Variants in RANBP17 observed in about 807,000 individuals in gnomAD.
The protein encoded by RANBP17 is RAN binding protein 17.
Under a neutral mutation model 141.2 loss-of-function variants are expected in RANBP17, and 158 were observed. The ratio of observed to expected loss-of-function variants is 1.12; its 90% CI spans 0.98 to 1.28. RANBP17 has a LOEUF of 1.28. RANBP17 is among the 50% of genes most tolerant of loss of function. RANBP17 has a pLI of 0.00. For missense variants in RANBP17, 1,438 were observed against 1,290.7 expected, an observed-to-expected ratio of 1.11 and a Z score of -1.75; for synonymous variants, 430 against 450.0, an observed-to-expected ratio of 0.96 and a Z score of 0.56.
At chr5:171,003,193 C>T (rs1472175240) in intron 14 of RANBP17, among the ~76,000 whole-genome samples, 3 of 152,070 alleles carry the variant, frequency 2.0e-5, no homozygotes, top group Admixed American at 2.0e-4. Flanking sequence ...TGTAAGAATT[C>T]CAAATGCACA....
chr5:171,206,584 A>G (rs1401325707), intron 20 of RANBP17: 2 of 168,216 alleles, frequency 1.2e-5, no homozygotes. Flanking sequence ...AATCTAAACT[A>G]TTTCTCAGTT....
intron 14 of RANBP17, among the ~76,000 whole-genome samples, chr5:171,021,088 T>C (rs2127602362): frequency 6.6e-6 from 1 of 152,338 alleles, no homozygotes; most frequent in South Asian, 2.1e-4. Flanking sequence ...TTGAAGAATG[T>C]TGAATATTGG....
At chr5:170,977,689 C>T (rs548784951) in intron 14 of RANBP17, among the ~76,000 whole-genome samples, 4 of 151,958 alleles carry the variant, frequency 2.6e-5, no homozygotes, top group Admixed American at 1.3e-4. Context: ...TGATAGATGC[C>T]GTAACAAGTA....
chr5:171,247,698 G>C (rs1422382222), intron 24 of RANBP17, among the ~76,000 whole-genome samples: 1 of 152,090 alleles, frequency 6.6e-6, no homozygotes, highest in East Asian at 1.9e-4. Context: ...TCAAAAAGCT[G>C]CTCTTACTAA....
At chr5:171,096,529 T>C (rs1290503121) in intron 14 of RANBP17, among the ~76,000 whole-genome samples, 4 of 152,146 alleles carry the variant, frequency 2.6e-5, no homozygotes, top group African/African-American at 9.7e-5. Context: ...AGGAATAAAA[T>C]GTGCAAATTT....
intron 18 of RANBP17, among the ~76,000 whole-genome samples, chr5:171,195,686 C>G (rs1234452553): frequency 6.6e-6 from 1 of 152,198 alleles, no homozygotes; most frequent in African/African-American, 2.4e-5. Context: ...TCCACCTTAT[C>G]AGAGACCTGG....
chr5:170,874,754 A>G (rs1768038842), intron 1 of RANBP17, among the ~76,000 whole-genome samples: 1 of 151,872 alleles, frequency 6.6e-6, no homozygotes, highest in South Asian at 2.1e-4. Context: ...TGAATACAGT[A>G]CACTGATGGG....
At chr5:171,090,704 C>T (rs994630878) in intron 14 of RANBP17, among the ~76,000 whole-genome samples, 9 of 152,124 alleles carry the variant, frequency 5.9e-5, no homozygotes, top group African/African-American at 2.2e-4. Flanking sequence ...CTGCTCTGTG[C>T]AGTCTAGGGA....
At chr5:170,993,523 TTCTG>T (rs1284927866) in intron 14 of RANBP17, among the ~76,000 whole-genome samples, 3 of 152,090 alleles carry the variant, frequency 2.0e-5, no homozygotes, top group Admixed American at 6.6e-5. Context: ...TAACTGCCAG[TTCTG>T]TCTTAGACAA....
intron 14 of RANBP17, among the ~76,000 whole-genome samples, chr5:171,115,198 T>C (rs76420020): frequency 0.015 from 2,321 of 152,236 alleles, 50 homozygotes; most frequent in African/African-American, 0.052. Context: ...TTCTTAAAAA[T>C]AGCATCTTTT....
intron 24 of RANBP17, among the ~76,000 whole-genome samples, chr5:171,247,585 A>C (rs1765284740): frequency 1.3e-5 from 2 of 152,192 alleles, no homozygotes; most frequent in African/African-American, 4.8e-5. Context: ...AGTTAATTTC[A>C]TTCATTAGCA....
chr5:170,982,255 A>T (rs1033347278), intron 14 of RANBP17, among the ~76,000 whole-genome samples: 1 of 78,620 alleles, frequency 1.3e-5, no homozygotes, highest in African/African-American at 4.5e-5. Flanking sequence ...TCAATTTTAA[A>T]ATCAGCCTGC....
rs376221148 is a variant in RANBP17, at chr5:171,246,335, C to G, written c.2776+3515C>G. On this transcript the variant is annotated intron_variant, in intron 24 of 27. Transcript: ENST00000523189. ...TTCCCAGATTTCAACCTTTTATTCT[C>G]CAACTCAGTGAGCCTGTTTGGCTTT... 3.9e-5 allele frequency among the ~76,000 whole-genome samples: 6 copies of G among 152,326 alleles called. No individual in the cohort carries two copies. The South Asian group carries it at 8.3e-4, about 21-fold the overall frequency.
chr5:171,246,012 G>A (rs755767489), intron 24 of RANBP17, among the ~76,000 whole-genome samples: 2 of 151,666 alleles, frequency 1.3e-5, no homozygotes, highest in Non-Finnish European at 2.9e-5. Flanking sequence ...CCAAGTACCT[G>A]GGATTACAGG....
Position 171,183,323 on chromosome 5 carries a change from G to A in RANBP17, c.1931G>A (p.Ser644Asn), listed in dbSNP as rs746981332. Residue 644 changes from serine to asparagine, a missense_variant and splice_region_variant, in exon 18 of 28, where the codon AGT (serine) becomes AAT (asparagine). Coordinates refer to ENST00000523189, the MANE Select transcript of RANBP17 (RefSeq NM_022897.5). ...AVKFMLKNHT[S>N]EHFPFLGISD... ...GGATTACTCTTTTGCTTTCATTAGA[G>A]TGAACACTTCCCTTTTCTTGGCATC... is the stretch of plus-strand genomic sequence containing the variant. 31 of 1,613,142 alleles carry A rather than the reference G, an allele frequency of 1.9e-5. No homozygotes were observed. The South Asian group carries it at 3.4e-4, about 18-fold the overall frequency.
At chr5:170,999,702 C>A (rs1483643651) in intron 14 of RANBP17, among the ~76,000 whole-genome samples, 3 of 152,102 alleles carry the variant, frequency 2.0e-5, no homozygotes, top group African/African-American at 4.8e-5. Flanking sequence ...ACCTATTATT[C>A]TTTCTGAAGT....
chr5:171,089,071 GT>G (rs1157016065), intron 14 of RANBP17, among the ~76,000 whole-genome samples: 1 of 151,808 alleles, frequency 6.6e-6, no homozygotes, highest in East Asian at 1.9e-4. Context: ...TTTCTGCTCT[GT>G]TTTTTCCCCA....
intron 14 of RANBP17, among the ~76,000 whole-genome samples, chr5:171,043,640 C>G (rs1782389059): frequency 6.6e-6 from 1 of 152,104 alleles, no homozygotes; most frequent in Admixed American, 6.6e-5. Context: ...CTAATTGACA[C>G]TGATAATTAG....
At chr5:171,117,487 C>T (rs1022467320) in intron 14 of RANBP17, among the ~76,000 whole-genome samples, 2 of 151,926 alleles carry the variant, frequency 1.3e-5, no homozygotes. Context: ...ATTATTTGCT[C>T]ATTTTCTTTT....
Sources: allele counts gnomAD v4.1 joint callset (sites outside exome capture counted in the v4.1 genomes callset), GRCh38; gene constraint gnomAD v4.1.1; transcripts MANE v1.5; gene names NCBI Gene and HGNC (gene_info 2026-07-23, HGNC 2026-07-21).